ASIC5: variants seen among roughly 807,000 people sequenced by gnomAD.
ASIC5 encodes acid sensing ion channel subunit family member 5.
Under a neutral mutation model 51.2 loss-of-function variants are expected in ASIC5, and 52 were observed. That is an observed-to-expected ratio of 1.02 (90% CI 0.81 to 1.28). The LOEUF (loss-of-function observed/expected upper bound fraction) is 1.28. Among genes scored for constraint, ASIC5 ranks in the 50% most tolerant of loss-of-function variants. The pLI is 0.00. For missense variants in ASIC5, 635 were observed against 595.0 expected (o/e 1.07, Z -0.70); for synonymous variants, 231 against 200.7 (o/e 1.15, Z -1.28).
chr4:155,837,260 T>C (rs1741006121), intron 7 of ASIC5, among the ~76,000 whole-genome samples: 1 of 151,880 alleles, frequency 6.6e-6, no homozygotes, highest in Non-Finnish European at 1.5e-5. Flanking sequence ...AGAAGAAAGA[T>C]GGAAAGTGTG....
chr4:155,849,700 G>A (rs893498417), intron 4 of ASIC5, among the ~76,000 whole-genome samples: 3 of 151,854 alleles, frequency 2.0e-5, no homozygotes, highest in African/African-American at 4.8e-5. Flanking sequence ...TCAAAATAAT[G>A]TTTTCAATTT....
intron 6 of ASIC5, among the ~76,000 whole-genome samples, chr4:155,839,776 A>T (rs1294671210): frequency 6.6e-6 from 1 of 152,102 alleles, no homozygotes; most frequent in Admixed American, 6.6e-5. Flanking sequence ...ATTTTTCTGA[A>T]TTATTTCTTG....
At chr4:155,843,938 A>G (rs1741179876) in intron 4 of ASIC5, 108 bp from the exon 5 acceptor site, 5 of 963,862 alleles carry the variant, frequency 5.2e-6, no homozygotes, top group Non-Finnish European at 7.8e-6. Flanking sequence ...CTAATCCTAA[A>G]TATTTTATGT....
intron 9 of ASIC5, among the ~76,000 whole-genome samples, chr4:155,831,359 G>A (rs982785049): frequency 2.0e-5 from 3 of 152,150 alleles, no homozygotes; most frequent in African/African-American, 7.2e-5. Flanking sequence ...TTTCTAGGGA[G>A]TGGAAATATG....
rs887075754 is a variant in ASIC5, at chr4:155,863,671, C to A, written c.124G>T (p.Ala42Ser). 6.2e-7 allele frequency: 1 copy of A among 1,613,902 alleles called. No homozygotes were observed. The highest frequency in any genetic ancestry group is 8.5e-7 in the Non-Finnish European group (1 of 1,179,896). Reference protein sequence around the residue: ...TERKKFDHDFAISTSFHGIHN... With the variant: ...TERKKFDHDFSISTSFHGIHN... Reference sequence around the variant, plus strand: ...ATCCCATGAAAGGAAGTGGAGATGGCAAAGTCATGGTCAAACTTCTTTCGC... The same window carrying A: ...ATCCCATGAAAGGAAGTGGAGATGGAAAAGTCATGGTCAAACTTCTTTCGC... The change falls in exon 2 of 10, where the codon GCC (alanine) becomes TCC (serine). Residue 42 changes from alanine to serine, a missense_variant. By Grantham distance (99) the Ala-to-Ser change is moderately conservative (BLOSUM62 1). Transcript: ENST00000537611.
intron 2 of ASIC5, among the ~76,000 whole-genome samples, chr4:155,863,187 T>C (rs1741758237): frequency 6.6e-6 from 1 of 152,030 alleles, no homozygotes; most frequent in Non-Finnish European, 1.5e-5. Context: ...CTTTTACATC[T>C]ATTTAATGAT....
chr4:155,859,747 T>C (rs1399041), intron 2 of ASIC5, among the ~76,000 whole-genome samples: 143,476 of 152,062 alleles, frequency 0.94, 68,001 homozygotes, highest in East Asian at 1. Flanking sequence ...AATAAATGTT[T>C]CCATCCTCTT....
At chr4:155,830,520 A>G (rs1025850466) in intron 9 of ASIC5, among the ~76,000 whole-genome samples, 1 of 152,186 alleles carries the variant, frequency 6.6e-6, no homozygotes, top group Non-Finnish European at 1.5e-5. Flanking sequence ...AATTAACATA[A>G]CATTGCCTTT....
intron 8 of ASIC5, among the ~76,000 whole-genome samples, chr4:155,835,133 G>A (rs555298823): frequency 6.6e-6 from 1 of 152,124 alleles, no homozygotes; most frequent in Non-Finnish European, 1.5e-5. Context: ...CTGCCCTTGC[G>A]ATAAGGCAGA....
chr4:155,858,167 A>T (rs1314036447), intron 2 of ASIC5, among the ~76,000 whole-genome samples: 1 of 152,090 alleles, frequency 6.6e-6, no homozygotes, highest in Non-Finnish European at 1.5e-5. Flanking sequence ...ACACAAAGAC[A>T]TTTGAAAAGC....
At chr4:155,832,524 C>T (rs190346778) in intron 8 of ASIC5, among the ~76,000 whole-genome samples, 37 of 152,286 alleles carry the variant, frequency 2.4e-4, no homozygotes, top group Admixed American at 1.2e-3. Flanking sequence ...TAAAATGATA[C>T]TAATAGCTCG....
intron 2 of ASIC5, among the ~76,000 whole-genome samples, chr4:155,858,272 T>C (rs928531655): frequency 6.6e-6 from 1 of 152,106 alleles, no homozygotes; most frequent in Non-Finnish European, 1.5e-5. Flanking sequence ...CTGCCAATTG[T>C]ATTCTTAGGA....
intron 9 of ASIC5, among the ~76,000 whole-genome samples, chr4:155,830,769 G>C (rs143609996): frequency 4.0e-5 from 6 of 151,832 alleles, no homozygotes; most frequent in African/African-American, 4.8e-5. Context: ...TCCTCTCCTC[G>C]GCCCATGACA....
At chr4:155,852,967 C>A (rs1741418572) in intron 3 of ASIC5, among the ~76,000 whole-genome samples, 1 of 151,914 alleles carries the variant, frequency 6.6e-6, no homozygotes, top group East Asian at 1.9e-4. Flanking sequence ...AGAAGCCAAC[C>A]AGAATTATGA....
chr4:155,840,584 C>G (rs185927651), intron 6 of ASIC5, among the ~76,000 whole-genome samples: 1 of 151,002 alleles, frequency 6.6e-6, no homozygotes, highest in Non-Finnish European at 1.5e-5. Flanking sequence ...CCAAGCTGTC[C>G]TTGTTCATTC....
chr4:155,844,433 C>T (rs1457222017), intron 4 of ASIC5, among the ~76,000 whole-genome samples: 1 of 152,102 alleles, frequency 6.6e-6, no homozygotes, highest in Non-Finnish European at 1.5e-5. Context: ...GGCCCCATCA[C>T]TAGGTAAGAA....
At chr4:155,851,323 G>A (rs1184953982) in intron 4 of ASIC5, among the ~76,000 whole-genome samples, 2 of 151,948 alleles carry the variant, frequency 1.3e-5, no homozygotes, top group Admixed American at 6.6e-5. Context: ...TATCTTGAAT[G>A]GGATACAAAA....
intron 4 of ASIC5, among the ~76,000 whole-genome samples, chr4:155,846,691 A>G (rs186005123): frequency 6.6e-6 from 1 of 152,160 alleles, no homozygotes; most frequent in East Asian, 1.9e-4. Context: ...TAGTTTTCCT[A>G]AATAATCTAG....
intron 2 of ASIC5, among the ~76,000 whole-genome samples, chr4:155,860,549 T>A (rs894254630): frequency 6.6e-6 from 1 of 151,904 alleles, no homozygotes; most frequent in Non-Finnish European, 1.5e-5. Context: ...AAATTATACT[T>A]TGGGAGCTGG....
Sources: gnomAD v4.1 joint callset for allele counts (sites outside exome capture counted in the v4.1 genomes callset) on GRCh38, gnomAD v4.1.1 for gene constraint, MANE v1.5 for transcripts, NCBI Gene and HGNC (gene_info 2026-07-23, HGNC 2026-07-21) for gene names.